The following PRMT8 variants were observed in gnomAD, a reference collection of about 807,000 sequenced individuals.
PRMT8 encodes the protein protein arginine methyltransferase 8, also known as protein arginine N-methyltransferase 8.
A neutral mutation model predicts 47.1 loss-of-function variants in PRMT8; 7 were observed. That is an observed-to-expected ratio of 0.15 (90% confidence interval 0.08 to 0.28). The LOEUF is 0.28. Ranked by LOEUF, PRMT8 falls within the 10% of genes least tolerant of loss-of-function variation. The pLI is 1.00. For synonymous variants in PRMT8, 188 were observed against 186.5 expected (o/e 1.01, Z -0.07); for missense variants, 237 against 505.4 (o/e 0.47, Z 5.09).
At chr12:3,496,212 ATATTTTTTTTTT>A (rs1865504173) in intron 1 of PRMT8, among the ~76,000 whole-genome samples, 1 of 19,392 alleles carries the variant, frequency 5.2e-5, no homozygotes, top group Non-Finnish European at 8.1e-5. Context: ...ATATATATAT[ATATTTTTTTTTT>A]TTTTTTTTTT....
At chr12:3,435,104 G>T (rs926898904) in intron 1 of PRMT8, among the ~76,000 whole-genome samples, 3 of 151,820 alleles carry the variant, frequency 2.0e-5, no homozygotes, top group African/African-American at 7.3e-5. Flanking sequence ...AAGTATCTGG[G>T]ACTACAGGCA....
At chr12:3,482,173 T>C (rs1217969467) in intron 1 of PRMT8, among the ~76,000 whole-genome samples, 1 of 152,146 alleles carries the variant, frequency 6.6e-6, no homozygotes, top group African/African-American at 2.4e-5. Context: ...GGTACAGATG[T>C]TCAGTTTAAA....
chr12:3,557,961 C>A lies in PRMT8; in HGVS notation c.481+4247C>A, dbSNP rs1163629166. ...GTTTCACCTGTGCCGTAATTCCTGA[C>A]CTCTGACCCAGCCCCTGACTCTTCG... On this transcript the variant is annotated intron_variant, in intron 4 of 9. Transcript: ENST00000382622. This position sits in a 1 kb window ranked among gnomAD's most constrained non-coding sequence, Gnocchi z 4.7. Among the ~76,000 whole-genome samples the A allele has an allele frequency of 6.6e-6, 1 of 152,154 alleles. No homozygotes were observed. Among genetic ancestry groups the A allele is most frequent in the Non-Finnish European group, 1.5e-5 (1 of 68,024 alleles).
intron 6 of PRMT8, among the ~76,000 whole-genome samples, chr12:3,571,626 A>AAGGAAAAGG (rs1422664181): frequency 6.6e-6 from 1 of 152,150 alleles, no homozygotes. Context: ...GAAAAGGAAA[A>AAGGAAAAGG]AAAAAAATCT....
At chr12:3,383,607 A>G (rs1387939441) in intron 1 of PRMT8, among the ~76,000 whole-genome samples, 1 of 152,234 alleles carries the variant, frequency 6.6e-6, no homozygotes, top group Non-Finnish European at 1.5e-5. Flanking sequence ...AAAAGCTGCC[A>G]TTTATGAAGC....
intron 1 of PRMT8, among the ~76,000 whole-genome samples, chr12:3,476,026 C>T (rs190269539): frequency 6.6e-6 from 1 of 152,324 alleles, no homozygotes; most frequent in African/African-American, 2.4e-5. Flanking sequence ...CCTTTAGGAT[C>T]TGGACACCTT....
In PRMT8 at chr12:3,564,156, G is replaced by C. The variant is rs916845840; in HGVS notation, c.482-4550G>C. On this transcript the variant is annotated intron_variant, in intron 4 of 9. Coordinates refer to ENST00000382622, the MANE Select transcript of PRMT8 (RefSeq NM_019854.5). This position sits in a 1 kb window ranked among gnomAD's most constrained non-coding sequence, Gnocchi z 4.0. Reference sequence around the variant, plus strand: ...ATAGGTGTATGAGCAAGGACCAAGGGAGTGGGGAGGGCGAGCGAAGGGCTT... The same window carrying C: ...ATAGGTGTATGAGCAAGGACCAAGGCAGTGGGGAGGGCGAGCGAAGGGCTT... Among the ~76,000 whole-genome samples the C allele has an allele frequency of 6.6e-6, 1 of 152,180 alleles. No individual in the cohort carries two copies. The highest frequency in any genetic ancestry group is 1.5e-5 in the Non-Finnish European group (1 of 68,046).
chr12:3,443,481 G>A (rs1455608756), intron 1 of PRMT8, among the ~76,000 whole-genome samples: 1 of 152,128 alleles, frequency 6.6e-6, no homozygotes, highest in East Asian at 1.9e-4. Flanking sequence ...TCACCATAAA[G>A]TCTTGCCAAG....
At chr12:3,445,521 G>A (rs1198270001) in intron 1 of PRMT8, among the ~76,000 whole-genome samples, 1 of 151,984 alleles carries the variant, frequency 6.6e-6, no homozygotes, top group African/African-American at 2.4e-5. Flanking sequence ...AACAGCAATC[G>A]TTACTACTGC....
In PRMT8 at chr12:3,428,386, G is replaced by A. The variant is rs890371844; in HGVS notation, c.48+46944G>A. ...GCTGACAATGATGTTTCCTCTAAAA[G>A]TTATTTTTCTACTTTCTTCCGTTAG... is the stretch of plus-strand genomic sequence containing the variant. On this transcript the variant is annotated intron_variant, in intron 1 of 9. Transcript: ENST00000452611. Among the ~76,000 whole-genome samples the A allele has an allele frequency of 1.7e-4, 26 of 151,744 alleles. No individual in the cohort carries two copies. The South Asian group carries it at 2.7e-3, about 16-fold the overall frequency.
At chr12:3,589,536 G>A (rs188587630) in intron 8 of PRMT8, among the ~76,000 whole-genome samples, 4 of 152,138 alleles carry the variant, frequency 2.6e-5, no homozygotes, top group Admixed American at 6.5e-5. Context: ...GCCCCTCCAC[G>A]CCCCCCAGAA....
Position 3,540,624 on chromosome 12 carries a change from C to CCCCCCCCCCCCCCCCCCCG in PRMT8, c.94_95insCCCCCCCCCCCCCCCCCCG (p.Gln32ProfsTer16). On this transcript the variant is annotated frameshift_variant, in exon 2 of 10. Transcript: ENST00000382622. LOFTEE classifies it high-confidence loss of function. ...CCCTCAGGTGAACAGCCCCCCCTCC[C>CCCCCCCCCCCCCCCCCCCG]AGCCCCCCCAGCCCGTCGTCCCTGC... 7.8e-7 allele frequency: 1 copy of CCCCCCCCCCCCCCCCCCCG among 1,289,520 alleles called. No individual in the cohort carries two copies. Among genetic ancestry groups the CCCCCCCCCCCCCCCCCCCG allele is most frequent in the Non-Finnish European group, 1.1e-6 (1 of 903,896 alleles). 79.9% of individuals were successfully genotyped at this position (1,289,520 alleles called of 1,614,324 possible).
chr12:3,545,392 A>T (rs1565437184), intron 2 of PRMT8, among the ~76,000 whole-genome samples: 1 of 152,204 alleles, frequency 6.6e-6, no homozygotes, highest in African/African-American at 2.4e-5. Flanking sequence ...TTGGTCCGAG[A>T]TCTCCTAAAG....
At position 3,535,143 on chromosome 12, in the gene PRMT8, G is replaced by A. The variant is rs1402819752; in HGVS notation, c.76-5463G>A. Among the ~76,000 whole-genome samples the A allele has an allele frequency of 2.0e-5, 3 of 152,202 alleles. No individual in the cohort carries two copies. Among genetic ancestry groups the A allele is most frequent in the African/African-American group, 4.8e-5 (2 of 41,510 alleles). ...TCCCCACCCCTGCTTGTGGAAATCCGACCCACCCTTCAAGGACGAGCTCAC... is the reference window on the plus strand; with the variant it reads ...TCCCCACCCCTGCTTGTGGAAATCCAACCCACCCTTCAAGGACGAGCTCAC... On this transcript the variant is annotated intron_variant, in intron 1 of 9. Transcript: ENST00000382622. This position sits in a 1 kb window ranked among gnomAD's most constrained non-coding sequence, Gnocchi z 4.7.
At chr12:3,384,086 A>T (rs572406031) in intron 1 of PRMT8, among the ~76,000 whole-genome samples, 2 of 152,308 alleles carry the variant, frequency 1.3e-5, no homozygotes, top group South Asian at 4.1e-4. Flanking sequence ...TATTGCACTG[A>T]ATAGAACTTC....
At chr12:3,473,287 C>T (rs1216498233) in intron 1 of PRMT8, among the ~76,000 whole-genome samples, 1 of 152,128 alleles carries the variant, frequency 6.6e-6, no homozygotes, top group Non-Finnish European at 1.5e-5. Context: ...GATCATAAAG[C>T]CCAACAGACA....
intron 8 of PRMT8, among the ~76,000 whole-genome samples, chr12:3,591,185 G>A (rs1312268731): frequency 1.3e-5 from 2 of 152,010 alleles, no homozygotes; most frequent in Non-Finnish European, 2.9e-5. Flanking sequence ...GAGAGGGGAG[G>A]GAAGAGACTC....
chr12:3,550,133 C>T lies in PRMT8; in HGVS notation c.417+42C>T. On this transcript the variant is annotated intron_variant, in intron 3 of 9. Transcript: ENST00000382622. This position sits in a 1 kb window ranked among gnomAD's most constrained non-coding sequence, Gnocchi z 5.1. The stretch of plus-strand genomic sequence containing the variant: ...CTCCTGCATGCTGGCTTCCACAGAG[C>T]CAGCCTCTTGCCCTCTGCCTCCACC... The T allele has an allele frequency of 6.2e-7, 1 of 1,605,854 alleles. No homozygotes were observed. The highest frequency in any genetic ancestry group is 1.1e-5 in the South Asian group (1 of 90,652).
rs1866955152 is a variant in PRMT8 at position 3,576,862 on chromosome 12, C to T, written c.713-9C>T. On this transcript the variant is annotated splice_polypyrimidine_tract_variant and intron_variant, in intron 6 of 9. Coordinates refer to ENST00000382622, the MANE Select transcript of PRMT8 (RefSeq NM_019854.5). This position sits in a 1 kb window ranked among gnomAD's most constrained non-coding sequence, Gnocchi z 4.0. Reference sequence around the variant, plus strand: ...GCGCCTGCCTTCACGTCTTGCTCTGCTCCCACAGGGTGGGAGAATGTCTAT... The same window carrying T: ...GCGCCTGCCTTCACGTCTTGCTCTGTTCCCACAGGGTGGGAGAATGTCTAT... 2.5e-6 allele frequency: 4 copies of T among 1,612,388 alleles called. No individual in the cohort carries two copies. The highest frequency in any genetic ancestry group is 3.4e-6 in the Non-Finnish European group (4 of 1,178,550).
Sources: allele counts gnomAD v4.1 joint callset (sites outside exome capture counted in the v4.1 genomes callset), GRCh38; gene constraint gnomAD v4.1.1; non-coding constraint Gnocchi (gnomAD v3.1); transcripts MANE v1.5; gene names NCBI Gene and HGNC (gene_info 2026-07-23, HGNC 2026-07-21).